Variants in WHR1 observed in about 807,000 individuals in gnomAD.
WHR1 encodes MHC class III HLA-RP1.
At chr6:31,972,186 C>A in the WHR1 span, 9 of 1,611,548 alleles carry the variant, frequency 5.6e-6, no homozygotes, top group Non-Finnish European at 7.6e-6. This position sits in a 1 kb window ranked among gnomAD's most constrained non-coding sequence, Gnocchi z 6.3. Flanking sequence ...CCGCGGCCGG[C>A]GTGGGGCCCG....
chr6:31,972,688 G>A, the WHR1 span: 13 of 1,613,670 alleles, frequency 8.1e-6, no homozygotes, highest in Non-Finnish European at 1.1e-5. This position sits in a 1 kb window ranked among gnomAD's most constrained non-coding sequence, Gnocchi z 6.3. Context: ...AGGACGCGCT[G>A]CCGCCCATCG....
the WHR1 span, chr6:31,980,483 G>C: frequency 6.2e-7 from 1 of 1,613,146 alleles, no homozygotes; most frequent in East Asian, 2.2e-5. Context: ...CTCACCGTCC[G>C]AGATGCTGGG....
the WHR1 span, among the ~76,000 whole-genome samples, chr6:31,974,011 C>T: frequency 3.3e-5 from 5 of 152,092 alleles, no homozygotes; most frequent in East Asian, 3.8e-4. Flanking sequence ...GAGGCCGGCG[C>T]GGTGGCTCAC....
At chr6:31,974,975 A>T in the WHR1 span, among the ~76,000 whole-genome samples, 8 of 152,320 alleles carry the variant, frequency 5.3e-5, no homozygotes, top group South Asian at 1.4e-3. Context: ...ATTTTAATGT[A>T]TTGGTGTTAG....
the WHR1 span, chr6:31,972,247 C>CT: frequency 1.9e-6 from 3 of 1,613,150 alleles, no homozygotes; most frequent in Non-Finnish European, 2.5e-6. The surrounding 1 kb of genome is among the most constrained non-coding windows in gnomAD (Gnocchi z 6.3). Flanking sequence ...CCTCCCAGCA[C>CT]TGACGGGCCT....
At chr6:31,973,053 G>A in the WHR1 span, 1 of 661,392 alleles carries the variant, frequency 1.5e-6, no homozygotes, top group South Asian at 1.5e-5. Flanking sequence ...TTGTACATCA[G>A]TGTTGTTTCC....
At chr6:31,972,624 C>T in the WHR1 span, 3 of 1,607,938 alleles carry the variant, frequency 1.9e-6, no homozygotes, top group East Asian at 2.2e-5. This position sits in a 1 kb window ranked among gnomAD's most constrained non-coding sequence, Gnocchi z 6.3. Flanking sequence ...TGCCCAGGGT[C>T]GGCGCGCGCG....
the WHR1 span, chr6:31,978,835 G>C: frequency 6.9e-7 from 1 of 1,440,582 alleles, no homozygotes; most frequent in Non-Finnish European, 9.6e-7. Flanking sequence ...CTGCCTGAGA[G>C]CGCCCAGAGT....
the WHR1 span, chr6:31,972,103 C>T: frequency 6.2e-7 from 1 of 1,613,128 alleles, no homozygotes; most frequent in East Asian, 2.2e-5. The surrounding 1 kb of genome is among the most constrained non-coding windows in gnomAD (Gnocchi z 6.3). Context: ...GAGGTTGACA[C>T]CAACGTGGCC....
chr6:31,979,230 G>A, the WHR1 span, among the ~76,000 whole-genome samples: 5 of 108,284 alleles, frequency 4.6e-5, no homozygotes, highest in African/African-American at 1.7e-4. Flanking sequence ...AGGAAGGAAG[G>A]AGGGGGAGGA....
At chr6:31,971,537 A>T in the WHR1 span, 1 of 1,614,114 alleles carries the variant, frequency 6.2e-7, no homozygotes, top group Admixed American at 1.7e-5. This position sits in a 1 kb window ranked among gnomAD's most constrained non-coding sequence, Gnocchi z 4.5. Context: ...CCCAGTTCCG[A>T]AGGGCGCCGG....
the WHR1 span, chr6:31,972,642 C>T: frequency 6.2e-7 from 1 of 1,613,012 alleles, no homozygotes; most frequent in Non-Finnish European, 8.5e-7. This position sits in a 1 kb window ranked among gnomAD's most constrained non-coding sequence, Gnocchi z 6.3. Context: ...GCGGCTGTCT[C>T]AGAACTCATG....
the WHR1 span, among the ~76,000 whole-genome samples, chr6:31,974,544 C>T: frequency 6.6e-6 from 1 of 152,036 alleles, no homozygotes; most frequent in Non-Finnish European, 1.5e-5. Flanking sequence ...AAAGTGAGAC[C>T]CCATCTTTAC....
chr6:31,974,442 G>A, the WHR1 span, among the ~76,000 whole-genome samples: 1 of 152,206 alleles, frequency 6.6e-6, no homozygotes, highest in Non-Finnish European at 1.5e-5. Context: ...TCTAGGCTGA[G>A]TGTGGTGGCT....
the WHR1 span, chr6:31,980,748 G>A: frequency 1.9e-6 from 3 of 1,605,964 alleles, no homozygotes; most frequent in Middle Eastern, 1.8e-4. Flanking sequence ...TCGTGGTGCG[G>A]CTTGGCCTCA....
At chr6:31,976,600 T>G in the WHR1 span, among the ~76,000 whole-genome samples, 1 of 136,102 alleles carries the variant, frequency 7.3e-6, no homozygotes, top group South Asian at 2.4e-4. Flanking sequence ...TCCCAGACGA[T>G]GGGCGGCCAG....
At chr6:31,974,032 C>G in the WHR1 span, among the ~76,000 whole-genome samples, 1 of 152,208 alleles carries the variant, frequency 6.6e-6, no homozygotes. Flanking sequence ...ACCTGTAATC[C>G]CAGCACTTTG....
the WHR1 span, among the ~76,000 whole-genome samples, chr6:31,977,725 A>G: frequency 6.6e-6 from 1 of 151,546 alleles, no homozygotes; most frequent in Non-Finnish European, 1.5e-5. Context: ...TCTGACCTCA[A>G]GTGATCCACC....
the WHR1 span, chr6:31,972,818 C>T: frequency 3.1e-6 from 5 of 1,594,042 alleles, no homozygotes; most frequent in Non-Finnish European, 4.2e-6. This position sits in a 1 kb window ranked among gnomAD's most constrained non-coding sequence, Gnocchi z 6.3. Flanking sequence ...TTCCCTGTCA[C>T]TCAGTCACTC....
Sources: gnomAD v4.1 joint callset for allele counts (sites outside exome capture counted in the v4.1 genomes callset) on GRCh38, gnomAD v4.1.1 for gene constraint, Gnocchi (gnomAD v3.1) non-coding constraint, MANE v1.5 for transcripts, NCBI Gene and HGNC (gene_info 2026-07-23, HGNC 2026-07-21) for gene names.